The following XIRP2 variants were observed in gnomAD, a reference collection of about 807,000 sequenced individuals.
XIRP2 encodes the protein xin actin-binding repeat-containing protein 2.
A neutral mutation model predicts 277.0 loss-of-function variants in XIRP2; 236 were observed. The ratio of observed to expected loss-of-function variants is 0.85; its 90% confidence interval spans 0.77 to 0.95. XIRP2 has a LOEUF of 0.95. Ranked by LOEUF, XIRP2 falls within the 40% of genes least tolerant of loss-of-function variation. XIRP2 has a pLI of 0.00. For synonymous variants in XIRP2, 1,490 were observed against 1,416.5 expected (o/e 1.05, Z -1.17); for missense variants, 4,640 against 4,157.5 (o/e 1.12, Z -3.19).
At chr2:167,181,908 T>C (rs1173320179) in intron 3 of XIRP2, among the ~76,000 whole-genome samples, 1 of 152,154 alleles carries the variant, frequency 6.6e-6, no homozygotes, top group East Asian at 1.9e-4. Context: ...CCCTGGACCA[T>C]CCCAGCTTAT....
rs374922636 is a variant in XIRP2, at chr2:166,938,667, G to A, written c.408+34777G>A. Among the ~76,000 whole-genome samples, 177 of 152,182 alleles carry A rather than the reference G, an allele frequency of 1.2e-3. 7 individuals are homozygous for A. The South Asian group carries it at 0.031, about 27-fold the overall frequency. ...GATATCCTTGTTAACTTTCTGTCTC[G>A]TTGATCTGTCTAATGTTGACAGTGG... On this transcript the variant is annotated intron_variant, in intron 2 of 10. Transcript: ENST00000409195.
intron 2 of XIRP2, among the ~76,000 whole-genome samples, chr2:167,059,175 T>C (rs1511204): frequency 0.33 from 48,987 of 146,808 alleles, 9,771 homozygotes; most frequent in African/African-American, 0.55. Flanking sequence ...GGTGTGATCT[T>C]GGCTCACTGC....
intron 1 of XIRP2, among the ~76,000 whole-genome samples, chr2:166,892,846 AAT>A (rs1447216677): frequency 6.8e-6 from 1 of 148,004 alleles, no homozygotes; most frequent in African/African-American, 2.5e-5. Context: ...GATATGTTAT[AAT>A]ATATGTTTTA....
At chr2:167,141,204 T>C (rs1691708238) in intron 3 of XIRP2, among the ~76,000 whole-genome samples, 1 of 152,230 alleles carries the variant, frequency 6.6e-6, no homozygotes, top group African/African-American at 2.4e-5. Flanking sequence ...TTATTTTTAA[T>C]ATTCTGACTG....
intron 2 of XIRP2, among the ~76,000 whole-genome samples, chr2:167,052,634 G>A (rs900603303): frequency 6.6e-6 from 1 of 151,994 alleles, no homozygotes; most frequent in Non-Finnish European, 1.5e-5. Context: ...TTTACTTAAG[G>A]ATAGCAGGTC....
intron 2 of XIRP2, among the ~76,000 whole-genome samples, chr2:166,904,744 C>G (rs1684472622): frequency 6.6e-6 from 1 of 151,942 alleles, no homozygotes; most frequent in South Asian, 2.1e-4. Context: ...TCAGGTTTTC[C>G]TTTAGAAAGC....
intron 2 of XIRP2, among the ~76,000 whole-genome samples, chr2:167,089,305 T>C (rs1558975968): frequency 6.6e-6 from 1 of 152,172 alleles, no homozygotes; most frequent in Non-Finnish European, 1.5e-5. Flanking sequence ...TTGGCTACTC[T>C]ACCTAATTTC....
At chr2:167,211,168 G>T (rs189493915) in intron 4 of XIRP2, among the ~76,000 whole-genome samples, 1 of 152,028 alleles carries the variant, frequency 6.6e-6, no homozygotes, top group African/African-American at 2.4e-5. Flanking sequence ...GCAATGGCAC[G>T]ATCTCGGCAC....
intron 2 of XIRP2, among the ~76,000 whole-genome samples, chr2:166,922,227 T>C (rs532727449): frequency 6.6e-6 from 1 of 152,226 alleles, no homozygotes; most frequent in Admixed American, 6.5e-5. Flanking sequence ...ACCCTCTGGG[T>C]AGAAGCTACC....
intron 3 of XIRP2, among the ~76,000 whole-genome samples, chr2:167,152,314 A>G (rs1692041319): frequency 6.6e-6 from 1 of 151,992 alleles, no homozygotes; most frequent in African/African-American, 2.4e-5. Context: ...CACAGAGAGG[A>G]ATCTAGAACA....
rs531130285 is a variant in XIRP2, at chr2:167,233,859, T to A, written c.859-5996T>A. On this transcript the variant is annotated intron_variant, in intron 5 of 10. Coordinates refer to ENST00000409195, the MANE Select transcript of XIRP2 (RefSeq NM_152381.6). ...ATGTTGGATTGAAATATTATATACA[T>A]ATATATCTTTAATATACATCTACGT... is the stretch of plus-strand genomic sequence containing the variant. 2.0e-5 allele frequency among the ~76,000 whole-genome samples: 3 copies of A among 151,888 alleles called. No homozygotes were observed. In the South Asian group the frequency reaches 6.2e-4, roughly 31 times the overall value.
At position 167,258,997 on chromosome 2, in the gene XIRP2, T is replaced by C. The variant is rs576553473; in HGVS notation, c.*1180T>C. The stretch of plus-strand genomic sequence containing the variant: ...GGGGAAGTTCAATCATCTCTCCTGA[T>C]ACAAATCTCTTAAACATTAAAGGAA... On this transcript the variant is annotated 3_prime_UTR_variant, in exon 11 of 11. Coordinates refer to ENST00000409195, the MANE Select transcript of XIRP2 (RefSeq NM_152381.6). 1.9e-6 allele frequency: 3 copies of C among 1,611,154 alleles called. No homozygotes were observed. Among genetic ancestry groups the C allele is most frequent in the African/African-American group, 2.7e-5 (2 of 74,886 alleles).
chr2:166,987,899 T>C (rs1687049824), intron 2 of XIRP2, among the ~76,000 whole-genome samples: 1 of 152,124 alleles, frequency 6.6e-6, no homozygotes, highest in Admixed American at 6.5e-5. Context: ...GAATAAGAAA[T>C]TGAATGCATA....
chr2:167,136,583 T>C (rs187501680), intron 3 of XIRP2, among the ~76,000 whole-genome samples: 5 of 152,334 alleles, frequency 3.3e-5, no homozygotes, highest in Admixed American at 6.5e-5. Flanking sequence ...GATTAATGCT[T>C]CACAAATATC....
At chr2:167,083,668 T>C (rs1234734728) in intron 2 of XIRP2, among the ~76,000 whole-genome samples, 2 of 152,334 alleles carry the variant, frequency 1.3e-5, no homozygotes, top group East Asian at 3.9e-4. Flanking sequence ...ACATCCCTTG[T>C]AAGTTGGATT....
At chr2:167,007,055 A>C (rs1389595839) in intron 2 of XIRP2, among the ~76,000 whole-genome samples, 3 of 151,702 alleles carry the variant, frequency 2.0e-5, no homozygotes, top group African/African-American at 7.2e-5. Flanking sequence ...ACAATGTTTC[A>C]CTGCACAAAG....
chr2:166,935,939 G>A (rs2105374249), intron 2 of XIRP2, among the ~76,000 whole-genome samples: 1 of 152,270 alleles, frequency 6.6e-6, no homozygotes, highest in Non-Finnish European at 1.5e-5. Flanking sequence ...GTAATGGGAT[G>A]GCTGGGTCAA....
At chr2:167,004,001 T>G (rs1229057334) in intron 2 of XIRP2, among the ~76,000 whole-genome samples, 1 of 151,974 alleles carries the variant, frequency 6.6e-6, no homozygotes, top group Non-Finnish European at 1.5e-5. Flanking sequence ...TATTTCTGGT[T>G]AATGCAGGAA....
At position 167,247,408 on chromosome 2, in the gene XIRP2, C is replaced by A; in HGVS notation, c.6016C>A (p.His2006Asn). 6.2e-7 allele frequency: 1 copy of A among 1,613,652 alleles called. No homozygotes were observed. Among genetic ancestry groups the A allele is most frequent in the African/African-American group, 1.3e-5 (1 of 74,982 alleles). Residue 2006 changes from histidine (H) to asparagine (N), a missense_variant, in exon 9 of 11, where the codon CAT becomes AAT. Transcript: ENST00000409195. ...TLSQTMGKSC[H>N]GNLVEERTEV... ...CAGTCAAACTATGGGGAAATCTTGC[C>A]ATGGCAATTTAGTAGAAGAAAGAAC...
Sources: gnomAD v4.1 joint callset for allele counts (sites outside exome capture counted in the v4.1 genomes callset) on GRCh38, gnomAD v4.1.1 for gene constraint, MANE v1.5 for transcripts, NCBI Gene and HGNC (gene_info 2026-07-23, HGNC 2026-07-21) for gene names.